Variants in CDH13 observed in about 807,000 individuals in gnomAD.
CDH13 encodes the protein cadherin-13.
CDH13 carries 24 observed loss-of-function variants against 63.8 expected under a neutral mutation model. The ratio of observed to expected loss-of-function variants is 0.38; its 90% confidence interval spans 0.27 to 0.53. CDH13 has a LOEUF of 0.53. Ranked by LOEUF, CDH13 falls within the 20% of genes least tolerant of loss-of-function variation. The pLI, the probability that CDH13 is intolerant of heterozygous loss-of-function variation, is 0.85. For synonymous variants in CDH13, 503 were observed against 355.3 expected (o/e 1.42, Z -4.67); for missense variants, 1,049 against 903.1 (o/e 1.16, Z -2.07).
At chr16:83,756,034 G>C (rs1913482009) in intron 11 of CDH13, among the ~76,000 whole-genome samples, 1 of 152,146 alleles carries the variant, frequency 6.6e-6, no homozygotes, top group Admixed American at 6.5e-5. Flanking sequence ...TGGAGATGTA[G>C]TTAAAGCAAT....
rs561993481 is a variant in CDH13 at position 83,464,282 on chromosome 16, G to A, written c.782-22195G>A. Among the ~76,000 whole-genome samples the A allele has an allele frequency of 1.1e-4, 16 of 152,192 alleles. No homozygotes were observed. The East Asian group carries it at 1.4e-3, about 13-fold the overall frequency. The stretch of plus-strand genomic sequence containing the variant: ...AATCCCAGCACTTTGGGAGGCCAAG[G>A]TGGGTGGATCATGTGAAGTCAGGAG... On this transcript the variant is annotated intron_variant, in intron 6 of 13. Transcript: ENST00000567109.
chr16:82,748,787 A>G (rs958354333), intron 1 of CDH13, among the ~76,000 whole-genome samples: 1 of 152,248 alleles, frequency 6.6e-6, no homozygotes, highest in South Asian at 2.1e-4. Context: ...AGACCTGTGG[A>G]TTGGCCTTCT....
At chr16:83,327,902 G>A (rs1036799885) in intron 5 of CDH13, among the ~76,000 whole-genome samples, 1 of 152,206 alleles carries the variant, frequency 6.6e-6, no homozygotes, top group African/African-American at 2.4e-5. Context: ...GGAGTCCGAA[G>A]CGGGTGGATC....
chr16:82,720,494 C>T (rs1422860331), intron 1 of CDH13, among the ~76,000 whole-genome samples: 2 of 152,050 alleles, frequency 1.3e-5, no homozygotes, highest in Non-Finnish European at 2.9e-5. Context: ...ATCATTCCAT[C>T]GCAGGGCACA....
chr16:83,772,813 A>G (rs72802860), intron 11 of CDH13: 4,182 of 152,332 alleles, frequency 0.027, 95 homozygotes, highest in Non-Finnish European at 0.039. Flanking sequence ...GCTTACCTGG[A>G]TTATCACAAC....
At chr16:82,900,217 A>G (rs991601431) in intron 2 of CDH13, among the ~76,000 whole-genome samples, 3 of 152,226 alleles carry the variant, frequency 2.0e-5, no homozygotes, top group African/African-American at 7.2e-5. Flanking sequence ...AACCAGGACA[A>G]CAAGCCCATG....
At chr16:83,015,417 A>T (rs1914657733) in intron 2 of CDH13, among the ~76,000 whole-genome samples, 2 of 151,428 alleles carry the variant, frequency 1.3e-5, no homozygotes, top group African/African-American at 4.8e-5. Context: ...TGCTAAAAAG[A>T]GAAAAAAAAA....
rs536282783 is a variant in CDH13 at position 83,290,757 on chromosome 16, C to T, written c.637-54105C>T. Among the ~76,000 whole-genome samples, 10 of 152,196 alleles carry T rather than the reference C, an allele frequency of 6.6e-5. No homozygotes were observed. In the South Asian group the frequency reaches 1.9e-3, roughly 28 times the overall value. ...TCAGGGCCTTTCTCGGGCTCCAAGG[C>T]CCTCGTTGTGACTGTCCACTGTCCA... On this transcript the variant is annotated intron_variant, in intron 5 of 13. Transcript: ENST00000567109.
At chr16:82,916,588 T>A (rs2041999361) in intron 2 of CDH13, among the ~76,000 whole-genome samples, 1 of 151,274 alleles carries the variant, frequency 6.6e-6, no homozygotes, top group Non-Finnish European at 1.5e-5. Flanking sequence ...AAAAAATAAA[T>A]AAATAAAGTA....
intron 10 of CDH13, among the ~76,000 whole-genome samples, chr16:83,722,588 A>T (rs932117141): frequency 3.3e-5 from 5 of 152,248 alleles, no homozygotes; most frequent in South Asian, 2.1e-4. Context: ...TCTGGCAAAG[A>T]AAAGGAAAAT....
intron 6 of CDH13, among the ~76,000 whole-genome samples, chr16:83,369,683 A>T (rs921598305): frequency 1.3e-5 from 2 of 152,026 alleles, no homozygotes; most frequent in Non-Finnish European, 2.9e-5. Context: ...CCTCAGCCTC[A>T]CATAGTGTTG....
intron 1 of CDH13, among the ~76,000 whole-genome samples, chr16:82,708,387 G>A (rs904662905): frequency 1.3e-5 from 2 of 152,160 alleles, no homozygotes; most frequent in African/African-American, 4.8e-5. Context: ...TGAACAACCA[G>A]GCATCAGAGT....
intron 1 of CDH13, among the ~76,000 whole-genome samples, chr16:82,682,487 C>T (rs1914654060): frequency 6.6e-6 from 1 of 152,186 alleles, no homozygotes; most frequent in South Asian, 2.1e-4. Flanking sequence ...GGGAGAAATA[C>T]TCCATTACAT....
At position 83,778,502 on chromosome 16, in the gene CDH13, C is replaced by G. The variant is rs138213936; in HGVS notation, c.1682-1466C>G. Among the ~76,000 whole-genome samples, 920 of 149,526 alleles carry G rather than the reference C, an allele frequency of 6.2e-3. 13 individuals are homozygous for G. Among genetic ancestry groups the G allele is most frequent in the African/African-American group, 0.022 (881 of 40,140 alleles). Reference sequence around the variant, plus strand: ...CCGAGACCACACCACTGCACTCCAGCCTGGGTGACAGAGTGAGACTCACCA... The same window carrying G: ...CCGAGACCACACCACTGCACTCCAGGCTGGGTGACAGAGTGAGACTCACCA... On this transcript the variant is annotated intron_variant, in intron 11 of 13. Coordinates refer to ENST00000567109, the MANE Select transcript of CDH13 (RefSeq NM_001257.5).
At chr16:82,656,413 A>C (rs1911301586) in intron 1 of CDH13, among the ~76,000 whole-genome samples, 1 of 151,868 alleles carries the variant, frequency 6.6e-6, no homozygotes, top group Non-Finnish European at 1.5e-5. Flanking sequence ...AAGCAAGTAA[A>C]CCTTATTTTT....
chr16:83,385,689 C>G (rs192154896), intron 6 of CDH13, among the ~76,000 whole-genome samples: 6 of 152,258 alleles, frequency 3.9e-5, no homozygotes, highest in African/African-American at 1.4e-4. Context: ...TGTTTTCAGT[C>G]CAGTGACCAA....
rs1360280070 is a variant in CDH13, at chr16:83,015,690, T to TATAC, written c.158-16317_158-16316insCATA. Among the ~76,000 whole-genome samples, 6 of 87,874 alleles carry TATAC rather than the reference T, an allele frequency of 6.8e-5. 1 individual carries two copies. Among genetic ancestry groups the TATAC allele is most frequent in the Non-Finnish European group, 1.2e-4 (5 of 42,132 alleles). The allele number at this position is 87,874 out of a possible 152,430, so 57.6% of individuals were successfully genotyped here. On this transcript the variant is annotated intron_variant, in intron 2 of 13. Coordinates refer to ENST00000567109, the MANE Select transcript of CDH13 (RefSeq NM_001257.5). ...GTGTGTGTGTATGTATATATATATA[T>TATAC]ATATATATATATATATATATATATA...
chr16:83,788,223 C>G (rs992038935), intron 13 of CDH13, among the ~76,000 whole-genome samples: 2 of 152,024 alleles, frequency 1.3e-5, no homozygotes, highest in African/African-American at 2.4e-5. Flanking sequence ...ACTGCAGGAC[C>G]CTGCTCACGG....
At chr16:83,419,043 C>T (rs530979893) in intron 6 of CDH13, among the ~76,000 whole-genome samples, 2 of 152,236 alleles carry the variant, frequency 1.3e-5, no homozygotes, top group African/African-American at 4.8e-5. Context: ...AACAGCCAAG[C>T]AGCACTCTGT....
Sources: allele counts gnomAD v4.1 joint callset (sites outside exome capture counted in the v4.1 genomes callset), GRCh38; gene constraint gnomAD v4.1.1; transcripts MANE v1.5; gene names NCBI Gene and HGNC (gene_info 2026-07-23, HGNC 2026-07-21).